SCN3A: variants seen among roughly 807,000 people sequenced by gnomAD.
The protein encoded by SCN3A is sodium channel protein type 3 subunit alpha.
SCN3A carries 60 observed loss-of-function variants against 187.6 expected under a neutral mutation model. The ratio of observed to expected loss-of-function variants is 0.32; its 90% CI spans 0.26 to 0.40. SCN3A has a LOEUF of 0.40. SCN3A is among the 10% of genes least tolerant of loss of function. SCN3A has a pLI of 1.00. For missense variants in SCN3A, 1,601 were observed against 2,428.2 expected (o/e 0.66, Z 7.16); for synonymous variants, 788 against 829.2 (o/e 0.95, Z 0.85).
chr2:165,157,152 C>T (rs186628241), intron 9 of SCN3A, among the ~76,000 whole-genome samples: 90 of 152,196 alleles, frequency 5.9e-4, no homozygotes, highest in African/African-American at 1.8e-3. Context: ...CCTCGTGATC[C>T]GCCTGCCTCG....
intron 18 of SCN3A, chr2:165,122,752 A>T (rs954867062): frequency 6.6e-6 from 1 of 152,202 alleles, no homozygotes; most frequent in African/African-American, 2.4e-5. Flanking sequence ...ATAGCTGAGT[A>T]GCATGCAGGC....
intron 6 of SCN3A, 48 bp from the exon 7 acceptor site, chr2:165,163,757 T>G (rs1208423410): frequency 6.2e-7 from 1 of 1,613,396 alleles, no homozygotes; most frequent in South Asian, 1.1e-5. Context: ...ACAAGAAAAG[T>G]TGGAGATATA....
chr2:165,189,474 G>T (rs1280560968), intron 1 of SCN3A, among the ~76,000 whole-genome samples: 1 of 152,140 alleles, frequency 6.6e-6, no homozygotes, highest in Non-Finnish European at 1.5e-5. Context: ...CAGCATTTTA[G>T]TAATTTAGGA....
intron 21 of SCN3A, among the ~76,000 whole-genome samples, chr2:165,111,070 C>A (rs920512869): frequency 6.6e-6 from 1 of 152,194 alleles, no homozygotes; most frequent in African/African-American, 2.4e-5. Context: ...CACGGTGGCT[C>A]ATGCCTGTAA....
intron 17 of SCN3A, among the ~76,000 whole-genome samples, chr2:165,129,524 A>G (rs1687190068): frequency 6.6e-6 from 1 of 152,244 alleles, no homozygotes; most frequent in South Asian, 2.1e-4. Flanking sequence ...TACATGAACT[A>G]TGAACATGCA....
At chr2:165,111,736 T>C (rs1673153604) in intron 21 of SCN3A, among the ~76,000 whole-genome samples, 1 of 152,178 alleles carries the variant, frequency 6.6e-6, no homozygotes, top group Admixed American at 6.5e-5. Flanking sequence ...TAAGGTCCAC[T>C]CTAGCTGCGG....
intron 4 of SCN3A, among the ~76,000 whole-genome samples, chr2:165,169,172 A>G (rs1689962153): frequency 6.6e-6 from 1 of 151,976 alleles, no homozygotes; most frequent in Non-Finnish European, 1.5e-5. Flanking sequence ...TAAAAGGTGT[A>G]CTTCAGATAT....
intron 15 of SCN3A, among the ~76,000 whole-genome samples, chr2:165,133,578 A>C (rs1687487603): frequency 1.3e-5 from 2 of 151,734 alleles, no homozygotes; most frequent in Admixed American, 6.6e-5. Flanking sequence ...TCCTGACCTC[A>C]AGTGATCTGC....
intron 1 of SCN3A, among the ~76,000 whole-genome samples, chr2:165,197,849 A>G (rs918051310): frequency 1.3e-5 from 2 of 152,004 alleles, no homozygotes; most frequent in Non-Finnish European, 2.9e-5. Flanking sequence ...TGGTATAAAT[A>G]TAAAAAGATC....
intron 20 of SCN3A, 110 bp downstream of exon 20, chr2:165,113,706 A>G: frequency 3.3e-6 from 4 of 1,212,806 alleles, no homozygotes; most frequent in Non-Finnish European, 3.6e-6. Flanking sequence ...TCTGCAAGAC[A>G]CAGATATGCC....
At chr2:165,194,716 A>G (rs769396616) in intron 1 of SCN3A, among the ~76,000 whole-genome samples, 1 of 152,114 alleles carries the variant, frequency 6.6e-6, no homozygotes, top group Non-Finnish European at 1.5e-5. Flanking sequence ...GAAATTCCAT[A>G]CAAATTGCAG....
At chr2:165,166,912 TG>T (rs200608593) in intron 5 of SCN3A, among the ~76,000 whole-genome samples, 2,438 of 151,838 alleles carry the variant, frequency 0.016, 76 homozygotes, top group African/African-American at 0.056. Flanking sequence ...CTTTTTTTTT[TG>T]TTTTGAAACA....
intron 1 of SCN3A, chr2:165,194,911 T>C (rs1691851298): frequency 2.0e-5 from 3 of 151,882 alleles, no homozygotes; most frequent in South Asian, 2.1e-4. Flanking sequence ...GAGCACATCA[T>C]TGGCACCAAA....
intron 3 of SCN3A, among the ~76,000 whole-genome samples, chr2:165,175,113 T>A (rs1444547589): frequency 6.6e-6 from 1 of 152,224 alleles, no homozygotes; most frequent in East Asian, 1.9e-4. Context: ...TCATTGCCTT[T>A]AGCCATCATT....
intron 11 of SCN3A, among the ~76,000 whole-genome samples, chr2:165,151,579 A>G (rs561788995): frequency 6.6e-6 from 1 of 152,330 alleles, no homozygotes; most frequent in African/African-American, 2.4e-5. Context: ...AGTCAGTTCT[A>G]TGCTTTTGTT....
At chr2:165,133,595 C>T (rs1055682076) in intron 15 of SCN3A, among the ~76,000 whole-genome samples, 1 of 151,818 alleles carries the variant, frequency 6.6e-6, no homozygotes, top group South Asian at 2.1e-4. Context: ...CTGCCCGCCT[C>T]AGCCTCCCAA....
intron 11 of SCN3A, among the ~76,000 whole-genome samples, chr2:165,149,995 A>G (rs1489402609): frequency 6.6e-6 from 1 of 152,118 alleles, no homozygotes. Flanking sequence ...TTCTACCCCA[A>G]TTATATTAGA....
rs751890927 is a variant in SCN3A, at chr2:165,137,862, A to C, written c.2391+17T>G. 6.4e-7 allele frequency: 1 copy of C among 1,565,624 alleles called. No individual in the cohort carries two copies. The highest frequency in any genetic ancestry group is 1.7e-5 in the Admixed American group (1 of 59,928). ...CACATCTACCAAAGTAAATAAGTAA[A>C]CTTCAAATGTACTTACCAGGTTTCC... On this transcript the variant is annotated intron_variant, in intron 15 of 27. Transcript: ENST00000283254.
At chr2:165,152,975 A>G (rs1169918880) in intron 11 of SCN3A, among the ~76,000 whole-genome samples, 2 of 151,544 alleles carry the variant, frequency 1.3e-5, no homozygotes, top group Non-Finnish European at 2.9e-5. Flanking sequence ...ACTACAAGGG[A>G]CATAAAACAG....
Sources: gnomAD v4.1 joint callset for allele counts (sites outside exome capture counted in the v4.1 genomes callset) on GRCh38, gnomAD v4.1.1 for gene constraint, MANE v1.5 for transcripts, NCBI Gene and HGNC (gene_info 2026-07-23, HGNC 2026-07-21) for gene names.